The following SLC41A3 variants were observed in gnomAD, a reference collection of about 807,000 sequenced individuals.
The protein encoded by SLC41A3 is solute carrier family 41 member 3, also known as SLC41A1-like 2.
SLC41A3 carries 44 observed loss-of-function variants against 45.4 expected under a neutral mutation model. The ratio of observed to expected loss-of-function variants is 0.97; its 90% CI spans 0.76 to 1.25. The LOEUF (loss-of-function observed/expected upper bound fraction) is 1.25, where lower values mean the gene tolerates loss of function less well. SLC41A3 is among the 50% of genes most tolerant of loss of function. The pLI is 0.00. For synonymous variants in SLC41A3, 256 were observed against 252.4 expected (o/e 1.01, Z -0.13); for missense variants, 550 against 600.6 (o/e 0.92, Z 0.88).
chr3:126,011,427 T>C (rs1939701435), intron 9 of SLC41A3, among the ~76,000 whole-genome samples: 1 of 152,182 alleles, frequency 6.6e-6, no homozygotes, highest in South Asian at 2.1e-4. Context: ...TAATAGACTT[T>C]GCAAAAACCA....
chr3:126,086,408 GTTTTTTTTTT>G (rs57316346), upstream of SLC41A3, among the ~76,000 whole-genome samples: 8 of 21,178 alleles, frequency 3.8e-4, no homozygotes, highest in East Asian at 3.1e-3. Context: ...TTGTTTTCTT[GTTTTTTTTTT>G]TTTTTTTTTT....
chr3:126,092,142 G>C (rs2365016), intron 1 of SLC41A3, among the ~76,000 whole-genome samples: 92,687 of 152,112 alleles, frequency 0.61, 28,685 homozygotes, highest in African/African-American at 0.71. Flanking sequence ...GGCCCCAAAA[G>C]TGGCCATAAA....
At chr3:126,072,372 TAA>T (rs138420343) in intron 1 of SLC41A3, among the ~76,000 whole-genome samples, 8 of 126,478 alleles carry the variant, frequency 6.3e-5, no homozygotes, top group Admixed American at 2.3e-4. Context: ...TAAAAAAAAA[TAA>T]AAAAAAAAAA....
At chr3:126,040,968 G>C (rs770210934) in intron 3 of SLC41A3, among the ~76,000 whole-genome samples, 10 of 152,068 alleles carry the variant, frequency 6.6e-5, no homozygotes, top group Admixed American at 5.2e-4. Flanking sequence ...AAGTATCTAG[G>C]ATAAGTTAAT....
chr3:126,097,455 A>G (rs1360510781), intron 1 of SLC41A3, among the ~76,000 whole-genome samples: 2 of 152,132 alleles, frequency 1.3e-5, no homozygotes, highest in African/African-American at 4.8e-5. Context: ...ACCACCACCC[A>G]ACATTTTCAG....
chr3:126,038,468 C>T (rs145453001), intron 3 of SLC41A3, among the ~76,000 whole-genome samples: 7 of 152,220 alleles, frequency 4.6e-5, no homozygotes, highest in Non-Finnish European at 8.8e-5. Context: ...GTGCCCTGAA[C>T]GCAGGACATG....
At chr3:126,067,118 C>A (rs150772823) in intron 2 of SLC41A3, among the ~76,000 whole-genome samples, 1 of 128,014 alleles carries the variant, frequency 7.8e-6, no homozygotes, top group African/African-American at 2.8e-5. Flanking sequence ...GCCCCGGCCA[C>A]CGCACCACTA....
At chr3:126,012,398 C>T (rs1221627131) in intron 9 of SLC41A3, among the ~76,000 whole-genome samples, 1 of 152,162 alleles carries the variant, frequency 6.6e-6, no homozygotes, top group South Asian at 2.1e-4. Context: ...ACTAACCTAA[C>T]ACCTAGTGCC....
At chr3:126,045,904 T>C (rs1235248371) in intron 3 of SLC41A3, among the ~76,000 whole-genome samples, 7 of 152,124 alleles carry the variant, frequency 4.6e-5, no homozygotes. Flanking sequence ...AAAAGGATTA[T>C]GCACCATGAC....
At chr3:126,056,761 T>C (rs1453146883) in intron 2 of SLC41A3, 1 of 1,402,334 alleles carries the variant, frequency 7.1e-7, no homozygotes, top group Non-Finnish European at 9.3e-7. Flanking sequence ...CAAAGGCCAG[T>C]GTGACTCACG....
At chr3:126,063,662 C>A (rs1365662221) in intron 2 of SLC41A3, among the ~76,000 whole-genome samples, 1 of 152,204 alleles carries the variant, frequency 6.6e-6, no homozygotes, top group African/African-American at 2.4e-5. Context: ...CAAATGCCTA[C>A]ACATATACTA....
At chr3:126,060,878 A>C (rs1011496732) in intron 2 of SLC41A3, among the ~76,000 whole-genome samples, 5 of 152,212 alleles carry the variant, frequency 3.3e-5, no homozygotes, top group African/African-American at 1.2e-4. Context: ...CAAGTGGCAC[A>C]AGATCAGTGG....
chr3:126,033,816 A>G (rs1029109238), intron 3 of SLC41A3, 138 bp from the exon 4 acceptor site: 1 of 874,026 alleles, frequency 1.1e-6, no homozygotes, highest in Admixed American at 2.4e-5. Context: ...TCCTCTGCTC[A>G]GCTCTCCAAA....
intron 2 of SLC41A3, among the ~76,000 whole-genome samples, chr3:126,065,057 G>C (rs1944279238): frequency 6.6e-6 from 1 of 152,226 alleles, no homozygotes; most frequent in African/African-American, 2.4e-5. Context: ...TGCAGCCCCT[G>C]GCTGATAGCC....
chr3:126,056,469 TG>T, intron 2 of SLC41A3: 1 of 1,614,218 alleles, frequency 6.2e-7, no homozygotes, highest in South Asian at 1.1e-5. Context: ...AGACCCCATG[TG>T]GGGACCGGGT....
At chr3:126,073,482 A>G (rs6438967) in intron 1 of SLC41A3, among the ~76,000 whole-genome samples, 99,683 of 151,960 alleles carry the variant, frequency 0.66, 32,999 homozygotes, top group African/African-American at 0.72. Context: ...ACTACTTATT[A>G]GGTACTATGT....
chr3:126,029,269 T>C (rs889962735), intron 4 of SLC41A3, among the ~76,000 whole-genome samples: 1 of 152,210 alleles, frequency 6.6e-6, no homozygotes, highest in Non-Finnish European at 1.5e-5. Context: ...GGGAGGTGAC[T>C]GGATCACAGG....
intron 10 of SLC41A3, among the ~76,000 whole-genome samples, chr3:126,007,984 GC>G (rs1311621971): frequency 6.6e-6 from 1 of 152,198 alleles, no homozygotes; most frequent in African/African-American, 2.4e-5. Flanking sequence ...CATGCTTACT[GC>G]TGTCCAGCCC....
intron 1 of SLC41A3, among the ~76,000 whole-genome samples, chr3:126,082,453 G>T (rs567298780): frequency 1.3e-5 from 2 of 152,326 alleles, no homozygotes; most frequent in East Asian, 3.9e-4. Context: ...TGTGGAGGCC[G>T]AGAAACCCTG....
Sources: allele counts gnomAD v4.1 joint callset (sites outside exome capture counted in the v4.1 genomes callset), GRCh38; gene constraint gnomAD v4.1.1; transcripts MANE v1.5; gene names NCBI Gene and HGNC (gene_info 2026-07-23, HGNC 2026-07-21).